The following ICA1L variants were observed in gnomAD, a reference collection of about 807,000 sequenced individuals.
The protein encoded by ICA1L is islet cell autoantigen 1 like.
A neutral mutation model predicts 61.3 loss-of-function variants in ICA1L; 50 were observed. The observed-to-expected ratio is 0.82, with a 90% CI of 0.65 to 1.03. ICA1L has a LOEUF of 1.03. Among genes scored for constraint, ICA1L ranks in the 50% least tolerant of loss-of-function variants. The pLI is 0.00. For missense variants in ICA1L, 508 were observed against 556.7 expected (o/e 0.91, Z 0.88); for synonymous variants, 161 against 191.3 (o/e 0.84, Z 1.31).
intron 11 of ICA1L, among the ~76,000 whole-genome samples, 195 bp downstream of exon 11, chr2:202,788,635 C>T (rs1574326380): frequency 6.6e-6 from 1 of 151,660 alleles, no homozygotes; most frequent in Admixed American, 6.6e-5. Context: ...AGGGAAACAG[C>T]CCTTGTTTCA....
intron 10 of ICA1L, among the ~76,000 whole-genome samples, chr2:202,790,499 G>C (rs1318768885): frequency 6.6e-6 from 1 of 152,172 alleles, no homozygotes; most frequent in Non-Finnish European, 1.5e-5. Flanking sequence ...TTCCACTCCA[G>C]TCTGGTGCAG....
chr2:202,869,086 G>A (rs898495037), intron 1 of ICA1L, among the ~76,000 whole-genome samples: 3 of 152,130 alleles, frequency 2.0e-5, no homozygotes, highest in Non-Finnish European at 4.4e-5. Flanking sequence ...GAGGCCAGGC[G>A]TGGTGGCTCA....
At chr2:202,807,064 A>C (rs1449970755) in intron 9 of ICA1L, among the ~76,000 whole-genome samples, 1 of 152,038 alleles carries the variant, frequency 6.6e-6, no homozygotes, top group Non-Finnish European at 1.5e-5. Flanking sequence ...GCTTAATAGA[A>C]CTCTCCAGCC....
intron 11 of ICA1L, chr2:202,786,747 G>A: frequency 2.4e-6 from 1 of 410,698 alleles, no homozygotes. Context: ...AGAAGTACAT[G>A]CATGATTTTT....
At chr2:202,840,379 G>C in intron 1 of ICA1L, 1 of 491,656 alleles carries the variant, frequency 2.0e-6, no homozygotes, top group South Asian at 1.5e-5. Flanking sequence ...TCCCATCGTG[G>C]ATCTCAATCT....
chr2:202,817,520 G>A lies in ICA1L; in HGVS notation c.582C>T (p.Ser194=). ...FRKVQMQVRN[S]KASFDKLKMD... Reference sequence around the variant, plus strand: ...TCTTTAACTTGTCAAAAGAAGCTTTGCTATTTCTCACTTGCATCTGTACCT... The same window carrying A: ...TCTTTAACTTGTCAAAAGAAGCTTTACTATTTCTCACTTGCATCTGTACCT... Residue 194 remains serine, a synonymous_variant, in exon 6 of 13, where the codon AGC becomes AGT. Coordinates refer to ENST00000358299, the MANE Select transcript of ICA1L (RefSeq NM_001288622.3). The A allele has an allele frequency of 1.2e-6, 2 of 1,608,194 alleles. No homozygotes were observed. The highest frequency in any genetic ancestry group is 1.7e-6 in the Non-Finnish European group (2 of 1,176,402).
chr2:202,789,099 A>G lies in ICA1L; in HGVS notation c.986-12T>C. 1.3e-6 allele frequency: 2 copies of G among 1,585,792 alleles called. No homozygotes were observed. The highest frequency in any genetic ancestry group is 1.7e-6 in the Non-Finnish European group (2 of 1,170,486). ...TAGATCTTTTGCAACTATTGAGTGT[A>G]AATAAAAACAGAAAGGCTTTTTTGA... On this transcript the variant is annotated splice_polypyrimidine_tract_variant and intron_variant, in intron 10 of 12. Coordinates refer to ENST00000358299, the MANE Select transcript of ICA1L (RefSeq NM_001288622.3).
chr2:202,867,418 G>A (rs1199628055), intron 1 of ICA1L, among the ~76,000 whole-genome samples: 1 of 152,178 alleles, frequency 6.6e-6, no homozygotes, highest in East Asian at 1.9e-4. Flanking sequence ...AACCTGTACA[G>A]CATGTTACTG....
intron 1 of ICA1L, among the ~76,000 whole-genome samples, chr2:202,857,353 C>G (rs1490413009): frequency 6.6e-6 from 1 of 152,062 alleles, no homozygotes; most frequent in Non-Finnish European, 1.5e-5. Flanking sequence ...TTTGACAAAC[C>G]TGACAAAAAC....
intron 9 of ICA1L, among the ~76,000 whole-genome samples, chr2:202,810,237 T>A (rs545627229): frequency 6.6e-6 from 1 of 152,188 alleles, no homozygotes; most frequent in African/African-American, 2.4e-5. Context: ...GAATAGTATA[T>A]CCAGCGAAAA....
At chr2:202,788,111 T>C (rs1415336184) in intron 11 of ICA1L, among the ~76,000 whole-genome samples, 5 of 152,180 alleles carry the variant, frequency 3.3e-5, no homozygotes, top group Non-Finnish European at 5.9e-5. Flanking sequence ...ATAGGCAGGT[T>C]TTATCCCTGG....
rs961223986 is a variant in ICA1L at position 202,786,320 on chromosome 2, G to A, written c.1244-313C>T. The stretch of plus-strand genomic sequence containing the variant: ...CCAGCACTTTGGGAGGCCGAGGCGG[G>A]TGGATCATGAGGTCAGGAGATCGAG... On this transcript the variant is annotated intron_variant, in intron 11 of 12. Transcript: ENST00000358299. 2.0e-5 allele frequency among the ~76,000 whole-genome samples: 3 copies of A among 152,068 alleles called. No homozygotes were observed. In the East Asian group the frequency reaches 5.8e-4, roughly 29 times the overall value.
At chr2:202,827,101 A>G (rs1020306204) in intron 2 of ICA1L, among the ~76,000 whole-genome samples, 1 of 152,218 alleles carries the variant, frequency 6.6e-6, no homozygotes, top group African/African-American at 2.4e-5. Flanking sequence ...AGATTAGAAA[A>G]GAATGCAAAA....
chr2:202,815,623 A>AT lies in ICA1L; in HGVS notation c.783+287dup, dbSNP rs963447980. ...TTAATTTTAAATTAAATTAAATTTAATTTTTTTTTTACTTTTAAATTTTTT... is the reference window on the plus strand; with the variant it reads ...TTAATTTTAAATTAAATTAAATTTAATTTTTTTTTTTACTTTTAAATTTTTT... On this transcript the variant is annotated intron_variant, in intron 7 of 12. Coordinates refer to ENST00000358299, the MANE Select transcript of ICA1L (RefSeq NM_001288622.3). 2.8e-4 allele frequency among the ~76,000 whole-genome samples: 41 copies of AT among 148,748 alleles called. No homozygotes were observed. In the East Asian group the frequency reaches 5.9e-3, roughly 21 times the overall value.
intron 1 of ICA1L, among the ~76,000 whole-genome samples, chr2:202,854,795 T>G (rs549674415): frequency 4.9e-4 from 74 of 152,116 alleles, no homozygotes; most frequent in African/African-American, 1.6e-3. Context: ...TGGGAGGCCA[T>G]GGCGGGCAGA....
chr2:202,841,778 A>G, intron 1 of ICA1L: 1 of 422,402 alleles, frequency 2.4e-6, no homozygotes, highest in South Asian at 1.9e-5. Context: ...ACCATGATGG[A>G]CATGGTTGAT....
At chr2:202,805,718 T>C (rs778948052) in intron 9 of ICA1L, among the ~76,000 whole-genome samples, 7 of 152,066 alleles carry the variant, frequency 4.6e-5, no homozygotes, top group Non-Finnish European at 7.4e-5. Flanking sequence ...AATAAACCAT[T>C]GGCAAGATTA....
At chr2:202,809,989 A>C (rs1693329491) in intron 9 of ICA1L, among the ~76,000 whole-genome samples, 1 of 152,198 alleles carries the variant, frequency 6.6e-6, no homozygotes, top group Non-Finnish European at 1.5e-5. Flanking sequence ...CAAGTACAGG[A>C]AGGTTATAGA....
At chr2:202,810,941 C>T (rs1170454998) in intron 9 of ICA1L, among the ~76,000 whole-genome samples, 2 of 152,188 alleles carry the variant, frequency 1.3e-5, no homozygotes, top group Admixed American at 6.5e-5. Flanking sequence ...TGTCTGCTCT[C>T]AAACCGTGTC....
Sources: gnomAD v4.1 joint callset for allele counts (sites outside exome capture counted in the v4.1 genomes callset) on GRCh38, gnomAD v4.1.1 for gene constraint, MANE v1.5 for transcripts, NCBI Gene and HGNC (gene_info 2026-07-23, HGNC 2026-07-21) for gene names.